ERC2: variants seen among roughly 807,000 people sequenced by gnomAD.
ERC2 encodes ELKS/RAB6-interacting/CAST family member 2.
ERC2 carries 42 observed loss-of-function variants against 114.8 expected under a neutral mutation model. That is an observed-to-expected ratio of 0.37 (90% CI 0.29 to 0.47). The LOEUF (loss-of-function observed/expected upper bound fraction) is 0.47, where lower values mean the gene tolerates loss of function less well. Among genes scored for constraint, ERC2 ranks in the 20% least tolerant of loss-of-function variants. The pLI, the probability that ERC2 is intolerant of heterozygous loss-of-function variation, is 0.99. For synonymous variants in ERC2, 454 were observed against 425.5 expected (o/e 1.07, Z -0.82); for missense variants, 939 against 1,150.7 (o/e 0.82, Z 2.66).
intron 2 of ERC2, among the ~76,000 whole-genome samples, chr3:56,362,212 T>C (rs1384432664): frequency 6.6e-6 from 1 of 152,168 alleles, no homozygotes; most frequent in East Asian, 1.9e-4. Flanking sequence ...GATCCACAGA[T>C]CAAGCTACTA....
At chr3:55,715,165 G>T (rs896885347) in intron 15 of ERC2, among the ~76,000 whole-genome samples, 4 of 152,096 alleles carry the variant, frequency 2.6e-5, no homozygotes, top group African/African-American at 9.7e-5. Flanking sequence ...GACAGGCATG[G>T]TTGTGTCTAT....
chr3:56,342,338 C>A (rs2058120862), intron 2 of ERC2, among the ~76,000 whole-genome samples: 1 of 152,198 alleles, frequency 6.6e-6, no homozygotes, highest in Non-Finnish European at 1.5e-5. Flanking sequence ...CTAAGTTATG[C>A]CAGTAAATTC....
chr3:55,536,610 T>C (rs767716993), intron 17 of ERC2, among the ~76,000 whole-genome samples: 3 of 152,200 alleles, frequency 2.0e-5, no homozygotes, highest in African/African-American at 4.8e-5. Context: ...AATTGAGAAA[T>C]TGTGAAACAT....
At chr3:55,978,311 TA>T (rs1376426945) in intron 12 of ERC2, among the ~76,000 whole-genome samples, 1 of 152,216 alleles carries the variant, frequency 6.6e-6, no homozygotes, top group Non-Finnish European at 1.5e-5. Flanking sequence ...TATTTATATA[TA>T]AAGATTACTT....
intron 10 of ERC2, among the ~76,000 whole-genome samples, chr3:55,997,325 A>G (rs12233468): frequency 0.23 from 35,140 of 151,958 alleles, 4,539 homozygotes; most frequent in Admixed American, 0.31. Flanking sequence ...TTTAATGTCC[A>G]TTGACAGCGC....
chr3:56,133,236 G>A (rs538124201), intron 6 of ERC2, among the ~76,000 whole-genome samples: 9 of 152,186 alleles, frequency 5.9e-5, no homozygotes, highest in Admixed American at 3.3e-4. Flanking sequence ...CCAGGAGTTC[G>A]AAACCAGCCT....
intron 3 of ERC2, among the ~76,000 whole-genome samples, chr3:56,244,746 T>C (rs1331324283): frequency 1.3e-5 from 2 of 152,192 alleles, no homozygotes; most frequent in Non-Finnish European, 2.9e-5. Flanking sequence ...ATAACCTAAG[T>C]GTACAGTGTT....
At chr3:55,915,531 A>T (rs2065043213) in intron 13 of ERC2, among the ~76,000 whole-genome samples, 1 of 152,152 alleles carries the variant, frequency 6.6e-6, no homozygotes, top group Non-Finnish European at 1.5e-5. Context: ...ACAGCTATAC[A>T]TTTGGTTATG....
intron 6 of ERC2, among the ~76,000 whole-genome samples, chr3:56,109,012 C>T (rs904555142): frequency 6.6e-6 from 1 of 152,098 alleles, no homozygotes; most frequent in African/African-American, 2.4e-5. Context: ...TCAAAATAGA[C>T]TCTTTTTTTA....
At chr3:55,522,342 A>C (rs1024281518) in intron 17 of ERC2, among the ~76,000 whole-genome samples, 16 of 152,208 alleles carry the variant, frequency 1.1e-4, no homozygotes, top group African/African-American at 3.9e-4. Context: ...AACAGGAAGA[A>C]TGCTACCTCG....
At chr3:55,677,970 GAA>G (rs2061891509) in intron 17 of ERC2, among the ~76,000 whole-genome samples, 1 of 152,138 alleles carries the variant, frequency 6.6e-6, no homozygotes, top group African/African-American at 2.4e-5. Flanking sequence ...GTACTAAGAT[GAA>G]GAAATATTTT....
At chr3:56,053,789 AG>A (rs1423869704) in intron 7 of ERC2, among the ~76,000 whole-genome samples, 102 of 152,278 alleles carry the variant, frequency 6.7e-4, no homozygotes, top group African/African-American at 2.4e-3. Context: ...ATTAAGAAGA[AG>A]TTGACTTTTT....
chr3:56,330,128 G>A (rs564409349), intron 2 of ERC2, among the ~76,000 whole-genome samples: 1 of 152,158 alleles, frequency 6.6e-6, no homozygotes, highest in African/African-American at 2.4e-5. Context: ...CAACCTCCCA[G>A]GCTCAATTGA....
intron 14 of ERC2, among the ~76,000 whole-genome samples, chr3:55,803,978 A>C (rs2059397743): frequency 1.3e-5 from 2 of 152,134 alleles, no homozygotes; most frequent in South Asian, 2.1e-4. Flanking sequence ...AATTTTCAAC[A>C]TGTGCTCCGG....
intron 2 of ERC2, among the ~76,000 whole-genome samples, chr3:56,349,850 T>C (rs1576545040): frequency 6.6e-6 from 1 of 151,098 alleles, no homozygotes; most frequent in Admixed American, 6.6e-5. Context: ...GAGGTGGAGG[T>C]TGCAGTGAGC....
chr3:56,229,182 C>G (rs2050446363), intron 3 of ERC2, among the ~76,000 whole-genome samples: 1 of 152,122 alleles, frequency 6.6e-6, no homozygotes, highest in African/African-American at 2.4e-5. Context: ...AAAGGCCTTG[C>G]CTTTTAAGGG....
At chr3:55,957,864 G>T (rs1247516047) in intron 12 of ERC2, among the ~76,000 whole-genome samples, 1 of 152,218 alleles carries the variant, frequency 6.6e-6, no homozygotes, top group African/African-American at 2.4e-5. Flanking sequence ...GTACCACAGA[G>T]CCTCAGAGAG....
At chr3:56,311,274 T>TAG (rs1560571348) in intron 2 of ERC2, among the ~76,000 whole-genome samples, 1 of 135,450 alleles carries the variant, frequency 7.4e-6, no homozygotes, top group Non-Finnish European at 1.6e-5. Flanking sequence ...TATATATATA[T>TAG]ATATATATAT....
In ERC2 at chr3:55,922,140, G is replaced by A. The variant is rs151184438; in HGVS notation, c.2403+28285C>T. On this transcript the variant is annotated intron_variant, in intron 13 of 17. Transcript: ENST00000288221. ...TCTCAGAATACTTCTGACCCACATA[G>A]TTTCAAATCAGTTACTTTAAGTACA... Among the ~76,000 whole-genome samples, 502 of 152,190 alleles carry A rather than the reference G, an allele frequency of 3.3e-3. 2 individuals are homozygous for A. Among genetic ancestry groups the A allele is most frequent in the South Asian group, 0.021 (100 of 4,822 alleles).
Sources: gnomAD v4.1 joint callset for allele counts (sites outside exome capture counted in the v4.1 genomes callset) on GRCh38, gnomAD v4.1.1 for gene constraint, MANE v1.5 for transcripts, NCBI Gene and HGNC (gene_info 2026-07-23, HGNC 2026-07-21) for gene names.